ZNF618: variants seen among roughly 807,000 people sequenced by gnomAD.
The protein encoded by ZNF618 is zinc finger protein 618, also known as neural precursor cell expressed, developmentally down-regulated 10.
ZNF618 carries 34 observed loss-of-function variants against 103.0 expected under a neutral mutation model. The observed-to-expected ratio is 0.33, with a 90% CI of 0.25 to 0.44. The LOEUF is 0.44. ZNF618 is among the 20% of genes least tolerant of loss of function. ZNF618 has a pLI of 1.00. For missense variants in ZNF618, 1,059 were observed against 1,295.4 expected (o/e 0.82, Z 2.80); for synonymous variants, 551 against 542.2 (o/e 1.02, Z -0.23).
At chr9:113,982,668 G>A (rs1260664013) in intron 2 of ZNF618, among the ~76,000 whole-genome samples, 1 of 152,154 alleles carries the variant, frequency 6.6e-6, no homozygotes, top group Non-Finnish European at 1.5e-5. Flanking sequence ...GCCTAAATCT[G>A]TATACATCAG....
intron 7 of ZNF618, 141 bp downstream of exon 7, chr9:114,007,580 C>T (rs1841863471): frequency 1.4e-6 from 1 of 731,004 alleles, no homozygotes; most frequent in Non-Finnish European, 2.2e-6. Context: ...AGGGGAATGA[C>T]CAGCCCTGGA....
intron 2 of ZNF618, among the ~76,000 whole-genome samples, chr9:113,984,357 A>G (rs889661570): frequency 9.9e-5 from 15 of 152,212 alleles, no homozygotes; most frequent in African/African-American, 2.7e-4. Context: ...TCATCATGGC[A>G]GCTGCCATTC....
At chr9:113,943,657 T>C (rs756053746) in intron 1 of ZNF618, among the ~76,000 whole-genome samples, 11 of 150,964 alleles carry the variant, frequency 7.3e-5, no homozygotes, top group Non-Finnish European at 1.6e-4. Context: ...AAATTTCAAA[T>C]CATGACCACT....
chr9:114,048,647 C>T lies in ZNF618; in HGVS notation c.1349-4C>T, dbSNP rs200581444. 464 of 1,604,592 alleles carry T rather than the reference C, an allele frequency of 2.9e-4. 1 individual carries two copies. The African/African-American group carries it at 5.5e-3, about 19-fold the overall frequency. ...ATCCCATCTGTCTTTGTGTCCTCTG[C>T]CAGCCACTACCAGTGGTTTAACACC... On this transcript the variant is annotated splice_polypyrimidine_tract_variant and splice_region_variant and intron_variant, in intron 14 of 14. Coordinates refer to ENST00000374126, the MANE Select transcript of ZNF618 (RefSeq NM_001318042.2).
At chr9:114,041,823 G>A (rs767491569) in intron 13 of ZNF618, among the ~76,000 whole-genome samples, 35 of 152,080 alleles carry the variant, frequency 2.3e-4, no homozygotes, top group Non-Finnish European at 4.6e-4. Flanking sequence ...CTCTTTTTTG[G>A]TTCTATATAA....
In ZNF618 at chr9:113,942,042, C is replaced by G. The variant is rs112557754; in HGVS notation, c.34-27075C>G. ...GGGAGACGAAATAGGACACAACGGACAAAACATTTAGGACAATGTCTGGTA... is the reference window on the plus strand; with the variant it reads ...GGGAGACGAAATAGGACACAACGGAGAAAACATTTAGGACAATGTCTGGTA... On this transcript the variant is annotated intron_variant, in intron 1 of 14. Transcript: ENST00000374126. 6.4e-3 allele frequency among the ~76,000 whole-genome samples: 973 copies of G among 152,174 alleles called. 10 individuals carry two copies. Among genetic ancestry groups the G allele is most frequent in the African/African-American group, 0.022 (931 of 41,486 alleles).
At chr9:114,013,172 G>A (rs1323639163) in intron 9 of ZNF618, among the ~76,000 whole-genome samples, 1 of 152,188 alleles carries the variant, frequency 6.6e-6, no homozygotes, top group Non-Finnish European at 1.5e-5. Flanking sequence ...TGGTTTGTGT[G>A]TAAAGAGAAA....
chr9:114,033,734 G>A (rs1844317380), intron 12 of ZNF618, among the ~76,000 whole-genome samples: 1 of 152,174 alleles, frequency 6.6e-6, no homozygotes, highest in South Asian at 2.1e-4. Flanking sequence ...GAGGGGAGAG[G>A]AATTCTCACA....
chr9:114,003,428 T>C (rs1233440050), intron 6 of ZNF618, among the ~76,000 whole-genome samples: 1 of 152,222 alleles, frequency 6.6e-6, no homozygotes, highest in Non-Finnish European at 1.5e-5. Flanking sequence ...AGAATGTCCT[T>C]AGCACACCAT....
At position 113,956,499 on chromosome 9, in the gene ZNF618, G is replaced by A. The variant is rs550185328; in HGVS notation, c.34-12618G>A. Among the ~76,000 whole-genome samples the A allele has an allele frequency of 2.6e-5, 4 of 152,298 alleles. No individual in the cohort carries two copies. The South Asian group carries it at 6.2e-4, about 24-fold the overall frequency. ...ACTATTGGAACTACAATTCCTTTAT[G>A]TTTTAAACCAGTTGACTGACTTTTA... On this transcript the variant is annotated intron_variant, in intron 1 of 14. Transcript: ENST00000374126.
chr9:113,894,422 T>G (rs1479665642), intron 1 of ZNF618, among the ~76,000 whole-genome samples: 2 of 152,208 alleles, frequency 1.3e-5, no homozygotes, highest in Non-Finnish European at 2.9e-5. Flanking sequence ...AGTTCAGCGC[T>G]CTCAGACTGA....
At chr9:114,042,664 T>C (rs540868504) in intron 13 of ZNF618, among the ~76,000 whole-genome samples, 62 of 152,252 alleles carry the variant, frequency 4.1e-4, no homozygotes, top group African/African-American at 1.4e-3. Context: ...ACTCTGTCTC[T>C]ACAAAAAAAT....
At chr9:113,965,279 C>T (rs1443268553) in intron 1 of ZNF618, among the ~76,000 whole-genome samples, 2 of 152,116 alleles carry the variant, frequency 1.3e-5, no homozygotes, top group Non-Finnish European at 2.9e-5. Flanking sequence ...TTACAACTTA[C>T]ATTTGCACAA....
At chr9:113,944,367 TC>T (rs952868532) in intron 1 of ZNF618, among the ~76,000 whole-genome samples, 1 of 152,336 alleles carries the variant, frequency 6.6e-6, no homozygotes, top group African/African-American at 2.4e-5. Context: ...AAACTCCGCC[TC>T]CCAGGTCAAG....
intron 1 of ZNF618, among the ~76,000 whole-genome samples, chr9:113,889,317 A>ATCTCTCTC (rs10627696): frequency 0.11 from 14,872 of 139,118 alleles, 806 homozygotes; most frequent in Non-Finnish European, 0.13. Context: ...CCCCGCTACC[A>ATCTCTCTC]TCTCTCTCTC....
intron 2 of ZNF618, among the ~76,000 whole-genome samples, chr9:113,980,591 G>A (rs1838883374): frequency 6.6e-6 from 1 of 152,158 alleles, no homozygotes. Context: ...AGAAATAAAA[G>A]TACAAGTCTC....
At chr9:114,007,215 G>A (rs768580096) in intron 6 of ZNF618, 135 bp from the exon 7 acceptor site, 6 of 704,706 alleles carry the variant, frequency 8.5e-6, no homozygotes, top group Non-Finnish European at 1.2e-5. Flanking sequence ...TGTGTAAAAT[G>A]AGAGACTGCT....
rs200670745 is a variant in ZNF618, at chr9:114,049,354, G to A, written c.2052G>A (p.Ser684=). 185 of 1,609,296 alleles carry A rather than the reference G, an allele frequency of 1.1e-4. No individual in the cohort carries two copies. Among genetic ancestry groups the A allele is most frequent in the Non-Finnish European group, 1.3e-4 (159 of 1,178,492 alleles). The stretch of plus-strand genomic sequence containing the variant: ...GCCTGGCCAAGGAGACCTTCGGGTC[G>A]CTGGAGGAGACGTCTCCACCACCCT... The part of the protein sequence containing the change: ...STGLAKETFG[S]LEETSPPPCW... Residue 684 remains serine, a synonymous_variant, in exon 15 of 15, where the codon TCG becomes TCA. Coordinates refer to ENST00000374126, the MANE Select transcript of ZNF618 (RefSeq NM_001318042.2).
chr9:113,897,782 T>G (rs967727267), intron 1 of ZNF618, among the ~76,000 whole-genome samples: 3 of 152,118 alleles, frequency 2.0e-5, no homozygotes, highest in African/African-American at 7.2e-5. Flanking sequence ...CTGGATTTCG[T>G]TTTTTGTTTT....
Sources: gnomAD v4.1 joint callset for allele counts (sites outside exome capture counted in the v4.1 genomes callset) on GRCh38, gnomAD v4.1.1 for gene constraint, MANE v1.5 for transcripts, NCBI Gene and HGNC (gene_info 2026-07-23, HGNC 2026-07-21) for gene names.